Variants in ABI3BP observed in about 807,000 individuals in gnomAD.
The protein encoded by ABI3BP is target of Nesh-SH3.
Under a neutral mutation model 268.6 loss-of-function variants are expected in ABI3BP, and 216 were observed. The ratio of observed to expected loss-of-function variants is 0.80; its 90% CI spans 0.72 to 0.90. The LOEUF is 0.90. Ranked by LOEUF, ABI3BP falls within the 40% of genes least tolerant of loss-of-function variation. The pLI, the probability that ABI3BP is intolerant of heterozygous loss-of-function variation, is 0.00. For missense variants in ABI3BP, 2,090 were observed against 2,182.4 expected (o/e 0.96, Z 0.84); for synonymous variants, 730 against 730.0 (o/e 1.00, Z 0.00).
chr3:100,751,700 A>T, intron 66 of ABI3BP, 26 bp from the exon 67 acceptor site: 1 of 1,566,096 alleles, frequency 6.4e-7, no homozygotes, highest in Non-Finnish European at 8.7e-7. Flanking sequence ...TTAAAAGGAT[A>T]AAGTTTACTT....
intron 1 of ABI3BP, among the ~76,000 whole-genome samples, chr3:100,959,339 A>C (rs1350355356): frequency 2.0e-5 from 3 of 150,750 alleles, no homozygotes; most frequent in Non-Finnish European, 3.0e-5. Context: ...AAATACAAAA[A>C]ATTAGCCGGG....
At chr3:100,896,222 A>C (rs565326334) in intron 4 of ABI3BP, among the ~76,000 whole-genome samples, 1 of 152,262 alleles carries the variant, frequency 6.6e-6, no homozygotes, top group East Asian at 1.9e-4. Context: ...GTGCGTGTGC[A>C]AGGGGGTGAG....
chr3:100,946,984 G>A (rs966785796), intron 1 of ABI3BP, among the ~76,000 whole-genome samples: 8 of 151,992 alleles, frequency 5.3e-5, no homozygotes, highest in Non-Finnish European at 7.4e-5. Context: ...ATGAAATTAC[G>A]TGTACATTTT....
At position 100,850,684 on chromosome 3, in the gene ABI3BP, G is replaced by A. The variant is rs200613525; in HGVS notation, c.1402C>T (p.Leu468Phe). ...CCCAGTGTTGCCCTTGGCTGTTCAA[G>A]AGTTCTAGAAGTTTTAGGTGGGATA... is the stretch of plus-strand genomic sequence containing the variant. ...DSIPPKTSRTLEQPRATLAPS... is the reference protein window; with the variant it reads ...DSIPPKTSRTFEQPRATLAPS... Residue 468 changes from leucine (L) to phenylalanine (F), a missense_variant, in exon 16 of 68, where the codon CTT (leucine) becomes TTT (phenylalanine). Coordinates refer to ENST00000471714, the MANE Select transcript of ABI3BP (RefSeq NM_001375547.2). 47 of 1,612,962 alleles carry A rather than the reference G, an allele frequency of 2.9e-5. No homozygotes were observed. In the African/African-American group the frequency reaches 5.1e-4, roughly 17 times the overall value.
At chr3:100,915,250 T>C (rs2058218410) in intron 2 of ABI3BP, among the ~76,000 whole-genome samples, 1 of 151,938 alleles carries the variant, frequency 6.6e-6, no homozygotes, top group African/African-American at 2.4e-5. Context: ...GAAAAGTCAA[T>C]CTCCCTTCCC....
chr3:100,864,025 A>G lies in ABI3BP; in HGVS notation c.1115T>C (p.Phe372Ser). 6.5e-7 allele frequency: 1 copy of G among 1,535,798 alleles called. No individual in the cohort carries two copies. The highest frequency in any genetic ancestry group is 1.2e-5 in the South Asian group (1 of 84,054). ...ETLQTILIPQFELPLSTLAPK... is the reference protein window; with the variant it reads ...ETLQTILIPQSELPLSTLAPK... The stretch of plus-strand genomic sequence containing the variant: ...ACCTAGAGTGCTCAGTGGCAATTCA[A>G]ACTGAGGTATTAGAATAGTTTGCAA... Residue 372 changes from phenylalanine to serine, a missense_variant, in exon 12 of 68, where the codon TTT becomes TCT. By Grantham distance (155) the Phe-to-Ser change is radical. Coordinates refer to ENST00000471714, the MANE Select transcript of ABI3BP (RefSeq NM_001375547.2).
At chr3:100,812,941 C>T (rs1250215541) in intron 45 of ABI3BP, among the ~76,000 whole-genome samples, 2 of 152,094 alleles carry the variant, frequency 1.3e-5, no homozygotes, top group Admixed American at 6.6e-5. Flanking sequence ...AGTAGGGTGG[C>T]ATGAACATGG....
intron 59 of ABI3BP, among the ~76,000 whole-genome samples, chr3:100,775,941 G>A (rs1228277472): frequency 6.6e-6 from 1 of 152,158 alleles, no homozygotes; most frequent in African/African-American, 2.4e-5. Flanking sequence ...GGGTGGACAT[G>A]AGAGCTGTCA....
intron 6 of ABI3BP, among the ~76,000 whole-genome samples, chr3:100,882,101 A>G (rs2039582654): frequency 6.6e-6 from 1 of 152,178 alleles, no homozygotes; most frequent in Non-Finnish European, 1.5e-5. Context: ...GAAGGTGTTC[A>G]AGAGTTTTTG....
In ABI3BP at chr3:100,750,462, A is replaced by G; in HGVS notation, c.*33T>C. On this transcript the variant is annotated 3_prime_UTR_variant, in exon 68 of 68. Coordinates refer to ENST00000471714, the MANE Select transcript of ABI3BP (RefSeq NM_001375547.2). ...AGTATTTTCAATGATTTTTGTTTGC[A>G]ATGATGAAACAGAAGGTAACTTTGT... 1 of 1,515,646 alleles carries G rather than the reference A, an allele frequency of 6.6e-7. No homozygotes were observed. Among genetic ancestry groups the G allele is most frequent in the Non-Finnish European group, 9.1e-7 (1 of 1,095,036 alleles). The allele number at this position is 1,515,646 out of a possible 1,614,324, so 93.9% of individuals were successfully genotyped here.
intron 6 of ABI3BP, among the ~76,000 whole-genome samples, chr3:100,882,157 A>T (rs2039614874): frequency 6.6e-6 from 1 of 152,208 alleles, no homozygotes; most frequent in Admixed American, 6.5e-5. Context: ...TGAATAAAAA[A>T]AGTTTTCAAT....
intron 61 of ABI3BP, among the ~76,000 whole-genome samples, chr3:100,772,743 C>T (rs1398297246): frequency 6.6e-6 from 1 of 151,902 alleles, no homozygotes; most frequent in Non-Finnish European, 1.5e-5. Flanking sequence ...TTAAATGTAC[C>T]AATATCAATA....
chr3:100,969,266 G>C (rs1419710481), intron 1 of ABI3BP, among the ~76,000 whole-genome samples: 1 of 152,214 alleles, frequency 6.6e-6, no homozygotes, highest in Non-Finnish European at 1.5e-5. Flanking sequence ...AGAGTTTAGA[G>C]ATTATAGACC....
chr3:100,940,786 CTATATATA>C (rs1167503911), intron 1 of ABI3BP, among the ~76,000 whole-genome samples: 333 of 10,138 alleles, frequency 0.033, 15 homozygotes, highest in African/African-American at 0.055. Context: ...AATTACTTCA[CTATATATA>C]TATATATATA....
At chr3:100,762,864 T>C (rs1203491694) in intron 63 of ABI3BP, among the ~76,000 whole-genome samples, 1 of 152,198 alleles carries the variant, frequency 6.6e-6, no homozygotes, top group Non-Finnish European at 1.5e-5. Flanking sequence ...ATATGTATTA[T>C]ATTTTTCCCC....
chr3:100,798,193 G>T (rs1016411314), intron 51 of ABI3BP, among the ~76,000 whole-genome samples: 1 of 152,134 alleles, frequency 6.6e-6, no homozygotes, highest in Non-Finnish European at 1.5e-5. Context: ...AGTTTACTGA[G>T]GAATTTAGGC....
In ABI3BP at chr3:100,847,658, G is replaced by A. The variant is rs2152998408; in HGVS notation, c.1592C>T (p.Ala531Val). The A allele has an allele frequency of 1.2e-6, 2 of 1,613,488 alleles. No homozygotes were observed. The highest frequency in any genetic ancestry group is 2.2e-5 in the South Asian group (2 of 91,074). Reference sequence around the variant, plus strand: ...AGAAATTTTAGGTGTAATTGTTCCGGCACTTGTGGTTCTTTCTGGTGATGG... The same window carrying A: ...AGAAATTTTAGGTGTAATTGTTCCGACACTTGTGGTTCTTTCTGGTGATGG... ...PRTKPERTTS[A>V]GTITPKISKS... The change falls in exon 19 of 68, where the codon GCC becomes GTC. Residue 531 changes from alanine (A) to valine (V), a missense_variant. Coordinates refer to ENST00000471714, the MANE Select transcript of ABI3BP (RefSeq NM_001375547.2).
At chr3:100,766,090 C>T in intron 62 of ABI3BP, 141 bp from the exon 63 acceptor site, 5 of 613,086 alleles carry the variant, frequency 8.2e-6, no homozygotes, top group Non-Finnish European at 1.4e-5. Flanking sequence ...TGATCTTACA[C>T]ATTGGCAATT....
At chr3:100,857,509 T>C (rs7631720) in intron 14 of ABI3BP, among the ~76,000 whole-genome samples, 54,149 of 152,052 alleles carry the variant, frequency 0.36, 10,273 homozygotes, top group African/African-American at 0.48. Flanking sequence ...TGTGATCACA[T>C]TCACAACGAG....
Sources: allele counts gnomAD v4.1 joint callset (sites outside exome capture counted in the v4.1 genomes callset), GRCh38; gene constraint gnomAD v4.1.1; transcripts MANE v1.5; gene names NCBI Gene and HGNC (gene_info 2026-07-23, HGNC 2026-07-21).